Variants in CATSPERT observed in about 807,000 individuals in gnomAD.
The protein encoded by CATSPERT is cation channel sperm-associated targeting subunit tau.
chr2:201,548,208 T>C, the CATSPERT span, among the ~76,000 whole-genome samples: 1 of 152,070 alleles, frequency 6.6e-6, no homozygotes, highest in Non-Finnish European at 1.5e-5. Flanking sequence ...CCAAACAATA[T>C]ACATTTATTT....
At chr2:201,533,229 G>C in the CATSPERT span, among the ~76,000 whole-genome samples, 2 of 152,158 alleles carry the variant, frequency 1.3e-5, no homozygotes, top group Non-Finnish European at 2.9e-5. Flanking sequence ...AGAAAGAAAA[G>C]ACACATATGT....
chr2:201,569,067 G>A, the CATSPERT span, among the ~76,000 whole-genome samples: 1 of 152,170 alleles, frequency 6.6e-6, no homozygotes, highest in South Asian at 2.1e-4. Flanking sequence ...GTCCCCAAAA[G>A]CTCTGATTGT....
the CATSPERT span, among the ~76,000 whole-genome samples, chr2:201,591,428 A>G: frequency 6.3e-3 from 962 of 152,264 alleles, 12 homozygotes; most frequent in African/African-American, 0.021. Context: ...TGATGCCTCC[A>G]GCTTTGTTCT....
the CATSPERT span, among the ~76,000 whole-genome samples, chr2:201,575,589 A>C: frequency 6.6e-6 from 1 of 152,142 alleles, no homozygotes; most frequent in Admixed American, 6.5e-5. Context: ...TCATCAGAGC[A>C]CAAAACCTAT....
the CATSPERT span, among the ~76,000 whole-genome samples, chr2:201,564,059 C>A: frequency 6.6e-6 from 1 of 152,168 alleles, no homozygotes; most frequent in Non-Finnish European, 1.5e-5. Context: ...CTGGAAAACA[C>A]CCGGTTGGGA....
chr2:201,560,465 TAATAAC>T, the CATSPERT span, among the ~76,000 whole-genome samples: 1,587 of 32,522 alleles, frequency 0.049, 30 homozygotes, highest in African/African-American at 0.12. Context: ...ATAATAATAA[TAATAAC>T]AACAACAACA....
At chr2:201,613,673 G>A in the CATSPERT span, among the ~76,000 whole-genome samples, 5 of 152,166 alleles carry the variant, frequency 3.3e-5, no homozygotes, top group Admixed American at 2.6e-4. Flanking sequence ...ACAGCTCCTC[G>A]CCAGCAAGGG....
At chr2:201,503,488 G>C in the CATSPERT span, among the ~76,000 whole-genome samples, 1 of 152,140 alleles carries the variant, frequency 6.6e-6, no homozygotes, top group Admixed American at 6.5e-5. Flanking sequence ...TCTAACTCCT[G>C]GGCTCAAGTG....
At chr2:201,563,940 T>TA in the CATSPERT span, among the ~76,000 whole-genome samples, 1 of 152,204 alleles carries the variant, frequency 6.6e-6, no homozygotes, top group Non-Finnish European at 1.5e-5. Flanking sequence ...TCAAGGCATT[T>TA]ATGCCTTGAG....
chr2:201,505,376 C>T, the CATSPERT span, among the ~76,000 whole-genome samples: 2 of 152,070 alleles, frequency 1.3e-5, no homozygotes, highest in Admixed American at 6.5e-5. Context: ...CCACTGCACC[C>T]GGCCCCCAGA....
At chr2:201,562,190 T>C in the CATSPERT span, among the ~76,000 whole-genome samples, 3 of 131,348 alleles carry the variant, frequency 2.3e-5, no homozygotes, top group Admixed American at 7.5e-5. Flanking sequence ...AATAATTCTT[T>C]TTTTTTTTTT....
the CATSPERT span, among the ~76,000 whole-genome samples, chr2:201,578,297 CAG>C: frequency 1.3e-4 from 20 of 151,986 alleles, no homozygotes; most frequent in African/African-American, 4.6e-4. Context: ...TATAATAAAA[CAG>C]AGAAAATGCA....
the CATSPERT span, among the ~76,000 whole-genome samples, chr2:201,613,989 TGAG>T: frequency 6.6e-6 from 1 of 151,882 alleles, no homozygotes; most frequent in Non-Finnish European, 1.5e-5. Context: ...TGAAATGAAG[TGAG>T]AAGAGAAGTT....
the CATSPERT span, among the ~76,000 whole-genome samples, chr2:201,591,872 A>G: frequency 6.6e-6 from 1 of 151,874 alleles, no homozygotes; most frequent in African/African-American, 2.4e-5. Context: ...TTATCAGCTT[A>G]AGGAGATTTT....
the CATSPERT span, chr2:201,604,719 A>T: frequency 4.6e-6 from 7 of 1,531,796 alleles, no homozygotes; most frequent in Middle Eastern, 1.7e-4. Flanking sequence ...ATAAATTAAG[A>T]TTTGGGAAGA....
the CATSPERT span, among the ~76,000 whole-genome samples, chr2:201,572,363 C>T: frequency 6.6e-6 from 1 of 152,072 alleles, no homozygotes; most frequent in Admixed American, 6.5e-5. Flanking sequence ...TTGAATGTAG[C>T]TTTATCTGCC....
chr2:201,593,922 C>G, the CATSPERT span, among the ~76,000 whole-genome samples: 1 of 151,862 alleles, frequency 6.6e-6, no homozygotes, highest in Non-Finnish European at 1.5e-5. Flanking sequence ...TGGGTCTTGA[C>G]TCTTTATCCA....
chr2:201,554,083 C>T, the CATSPERT span: 68 of 152,262 alleles, frequency 4.5e-4, 1 homozygote, highest in East Asian at 0.013. Flanking sequence ...ATATGGTAAG[C>T]ATAATTACCA....
the CATSPERT span, among the ~76,000 whole-genome samples, chr2:201,615,854 G>A: frequency 0.87 from 132,959 of 152,140 alleles, 59,174 homozygotes; most frequent in South Asian, 0.98. Context: ...AATAGACACA[G>A]TAAAAAATGA....
Sources: gnomAD v4.1 joint callset for allele counts (sites outside exome capture counted in the v4.1 genomes callset) on GRCh38, gnomAD v4.1.1 for gene constraint, MANE v1.5 for transcripts, NCBI Gene and HGNC (gene_info 2026-07-23, HGNC 2026-07-21) for gene names.